Variants in KAZN observed in about 807,000 individuals in gnomAD.
The protein encoded by KAZN is kazrin.
In KAZN, 40 loss-of-function variants were observed where a neutral mutation model predicts 87.4. That is an observed-to-expected ratio of 0.46 (90% confidence interval 0.36 to 0.60). The LOEUF (loss-of-function observed/expected upper bound fraction) is 0.60. KAZN is among the 20% of genes least tolerant of loss of function. The probability of loss-of-function intolerance (pLI) is 0.00; values close to 1 mark genes in which losing one functional copy is unlikely to be tolerated. For synonymous variants in KAZN, 466 were observed against 458.3 expected, an observed-to-expected ratio of 1.02 and a Z score of -0.22; for missense variants, 898 against 1,073.9, an observed-to-expected ratio of 0.84 and a Z score of 2.29.
At chr1:14,423,640 A>G (rs1366694517) in intron 2 of KAZN, among the ~76,000 whole-genome samples, 1 of 152,194 alleles carries the variant, frequency 6.6e-6, no homozygotes, top group Non-Finnish European at 1.5e-5. Flanking sequence ...TCCTCTTCCC[A>G]GTACATAGTC....
chr1:15,020,897 T>C (rs1014132094), intron 2 of KAZN, among the ~76,000 whole-genome samples: 9 of 152,108 alleles, frequency 5.9e-5, no homozygotes, highest in African/African-American at 1.9e-4. Flanking sequence ...TGAACCCAGA[T>C]TGTCTGGCTC....
intron 1 of KAZN, among the ~76,000 whole-genome samples, chr1:14,877,464 T>C (rs1652895001): frequency 6.6e-6 from 1 of 152,100 alleles, no homozygotes; most frequent in African/African-American, 2.4e-5. Context: ...AAGATAGGCA[T>C]ATGGGGTCAG....
chr1:15,003,407 T>C (rs1465377423), intron 2 of KAZN, among the ~76,000 whole-genome samples: 1 of 152,186 alleles, frequency 6.6e-6, no homozygotes, highest in Non-Finnish European at 1.5e-5. Flanking sequence ...TTATCTTGAT[T>C]GTGGTGATGG....
At chr1:14,841,594 G>C (rs1648024358) in intron 1 of KAZN, among the ~76,000 whole-genome samples, 1 of 152,148 alleles carries the variant, frequency 6.6e-6, no homozygotes, top group African/African-American at 2.4e-5. Context: ...GGTACTGGAT[G>C]CTAGGGCTAG....
intron 2 of KAZN, among the ~76,000 whole-genome samples, chr1:14,509,573 T>G (rs1670794104): frequency 6.6e-6 from 1 of 152,188 alleles, no homozygotes; most frequent in African/African-American, 2.4e-5. Flanking sequence ...AGATTAAATT[T>G]CATTCTAAGA....
At chr1:14,158,377 A>C (rs1157657349) in intron 1 of KAZN, among the ~76,000 whole-genome samples, 1 of 151,916 alleles carries the variant, frequency 6.6e-6, no homozygotes, top group Non-Finnish European at 1.5e-5. Context: ...TGCTTGATCA[A>C]TTCTGCTGTT....
chr1:14,091,292 G>A (rs1643987572), intron 1 of KAZN, among the ~76,000 whole-genome samples: 1 of 152,010 alleles, frequency 6.6e-6, no homozygotes. Context: ...ACTGCATCTT[G>A]GTCTGAAAAC....
At chr1:14,624,604 G>A (rs1447814168) in intron 1 of KAZN, among the ~76,000 whole-genome samples, 1 of 152,086 alleles carries the variant, frequency 6.6e-6, no homozygotes, top group African/African-American at 2.4e-5. Flanking sequence ...AAAGTTTAGA[G>A]GATTTGACAA....
intron 1 of KAZN, among the ~76,000 whole-genome samples, chr1:13,960,796 T>C (rs1641722065): frequency 6.6e-6 from 1 of 152,118 alleles, no homozygotes; most frequent in South Asian, 2.1e-4. Flanking sequence ...CTGTGTTCTG[T>C]CCAGGCCTTC....
intron 2 of KAZN, among the ~76,000 whole-genome samples, chr1:14,320,320 T>C (rs1655960997): frequency 6.6e-6 from 1 of 152,156 alleles, no homozygotes; most frequent in South Asian, 2.1e-4. Flanking sequence ...GTCCTAATTC[T>C]TGAGGGATTA....
At chr1:15,027,647 T>C (rs1671307336) in intron 2 of KAZN, among the ~76,000 whole-genome samples, 4 of 151,994 alleles carry the variant, frequency 2.6e-5, no homozygotes, top group Non-Finnish European at 5.9e-5. Context: ...GTTCCATGGG[T>C]CAGGAACATT....
At chr1:14,213,720 A>C (rs1467710117) in intron 2 of KAZN, among the ~76,000 whole-genome samples, 1 of 152,216 alleles carries the variant, frequency 6.6e-6, no homozygotes, top group Non-Finnish European at 1.5e-5. Context: ...TACTTTTAAA[A>C]GGAACATTCT....
At chr1:14,022,184 C>T (rs1236379446) in intron 1 of KAZN, among the ~76,000 whole-genome samples, 2 of 151,980 alleles carry the variant, frequency 1.3e-5, no homozygotes, top group Non-Finnish European at 2.9e-5. Flanking sequence ...TGTGTGCATG[C>T]ATGCTCTTTC....
rs567146880 is a variant in KAZN, at chr1:15,075,793, T to C, written c.1222+10040T>C. Among the ~76,000 whole-genome samples, 213 of 151,966 alleles carry C rather than the reference T, an allele frequency of 1.4e-3. 1 individual carries two copies. The highest frequency in any genetic ancestry group is 3.4e-3 in the Middle Eastern group (1 of 294). On this transcript the variant is annotated intron_variant, in intron 8 of 14. Coordinates refer to ENST00000376030, the MANE Select transcript of KAZN (RefSeq NM_201628.3). ...TGGCTTGGAAATGCCGGTCCCAGGG[T>C]GTTCATTATTTTCCTGCTCTCCTAG...
chr1:14,595,400 G>A (rs530982137), upstream of KAZN, among the ~76,000 whole-genome samples: 58 of 152,108 alleles, frequency 3.8e-4, 1 homozygote, highest in Middle Eastern at 6.8e-3. Context: ...AGACCCGGCC[G>A]AGCGCTGTGG....
At chr1:14,467,132 A>G (rs1319754127) in intron 2 of KAZN, among the ~76,000 whole-genome samples, 2 of 152,176 alleles carry the variant, frequency 1.3e-5, no homozygotes, top group Admixed American at 6.5e-5. Context: ...AATTGTGCCA[A>G]TGCCTTGTAA....
chr1:14,336,808 T>C (rs577865712), intron 2 of KAZN, among the ~76,000 whole-genome samples: 2 of 152,356 alleles, frequency 1.3e-5, no homozygotes, highest in South Asian at 4.1e-4. Flanking sequence ...TTTGTCTCTT[T>C]GTTGAATTAT....
chr1:15,008,190 C>T (rs984695587), intron 2 of KAZN, among the ~76,000 whole-genome samples: 1 of 152,226 alleles, frequency 6.6e-6, no homozygotes, highest in African/African-American at 2.4e-5. Flanking sequence ...TGGGCCACAC[C>T]TCACCCATCC....
At chr1:14,419,475 G>A (rs927267337) in intron 2 of KAZN, among the ~76,000 whole-genome samples, 2 of 152,118 alleles carry the variant, frequency 1.3e-5, no homozygotes, top group Non-Finnish European at 2.9e-5. Context: ...TGAAGCACTC[G>A]CCTCTTCCCT....
Sources: gnomAD v4.1 joint callset for allele counts (sites outside exome capture counted in the v4.1 genomes callset) on GRCh38, gnomAD v4.1.1 for gene constraint, MANE v1.5 for transcripts, NCBI Gene and HGNC (gene_info 2026-07-23, HGNC 2026-07-21) for gene names.